The following CACNB1 variants were observed in gnomAD, a reference collection of about 807,000 sequenced individuals.
The protein encoded by CACNB1 is calcium voltage-gated channel auxiliary subunit beta 1.
A neutral mutation model predicts 71.6 loss-of-function variants in CACNB1; 29 were observed. The observed-to-expected ratio is 0.40, with a 90% CI of 0.30 to 0.55. The LOEUF (loss-of-function observed/expected upper bound fraction) is 0.55. Among genes scored for constraint, CACNB1 ranks in the 20% least tolerant of loss-of-function variants. The pLI is 0.38. For synonymous variants in CACNB1, 300 were observed against 319.6 expected (o/e 0.94, Z 0.65); for missense variants, 623 against 801.8 (o/e 0.78, Z 2.69).
chr17:39,184,310 C>G lies in CACNB1; in HGVS notation c.788+15G>C, dbSNP rs1234964054. The stretch of plus-strand genomic sequence containing the variant: ...GAGCAACGGCAGGTGCGAGGAGCAG[C>G]TCCCAGGATCTTACCTGCCATCAAA... On this transcript the variant is annotated intron_variant, in intron 9 of 13. Transcript: ENST00000394303. The G allele has an allele frequency of 1.3e-6, 2 of 1,528,320 alleles. No homozygotes were observed. Among genetic ancestry groups the G allele is most frequent in the Non-Finnish European group, 1.8e-6 (2 of 1,125,714 alleles). 94.7% of individuals were successfully genotyped at this position (1,528,320 alleles called of 1,614,324 possible). A position where few individuals can be genotyped will look rare whatever the true frequency, so the allele number is the denominator to read the frequency against.
Position 39,175,498 on chromosome 17 carries a change from C to G in CACNB1, c.1492G>C (p.Asp498His). The change falls in exon 14 of 14, where the codon GAC becomes CAC. Residue 498 changes from aspartate to histidine, a missense_variant. Asp to His is a moderately conservative substitution (Grantham distance 81). Transcript: ENST00000394303. The surrounding 1 kb of genome is among the most constrained non-coding windows in gnomAD (Gnocchi z 4.7). The stretch of plus-strand genomic sequence containing the variant: ...CCGGGGGTGTCGGCATCAAAAGTGT[C>G]TTGGCGGGACAGTGCCCGTAGCGTG... ...AGTLRALSRQ[D>H]TFDADTPGSR... 6.2e-7 allele frequency: 1 copy of G among 1,614,036 alleles called. No individual in the cohort carries two copies.
At chr17:39,178,105 G>C in intron 11 of CACNB1, 26 bp from the exon 12 acceptor site, 1 of 1,553,632 alleles carries the variant, frequency 6.4e-7, no homozygotes, top group Non-Finnish European at 8.9e-7. Context: ...AGAAAAGGAA[G>C]AGGAGCTAGA....
chr17:39,181,349 C>T (rs2045756175), intron 11 of CACNB1, among the ~76,000 whole-genome samples: 2 of 152,178 alleles, frequency 1.3e-5, no homozygotes, highest in Non-Finnish European at 2.9e-5. Context: ...CGGCCTCGGG[C>T]TCCCAAGGTG....
At position 39,186,965 on chromosome 17, in the gene CACNB1, G is replaced by C; in HGVS notation, c.415-36C>G. ...TATGGCAGGTGGGTGGAAAGAGCAAGAGGGAAACTGCAGGGGCAAGCTAGC... is the reference window on the plus strand; with the variant it reads ...TATGGCAGGTGGGTGGAAAGAGCAACAGGGAAACTGCAGGGGCAAGCTAGC... On this transcript the variant is annotated intron_variant, in intron 4 of 13. Coordinates refer to ENST00000394303, the MANE Select transcript of CACNB1 (RefSeq NM_000723.5). This position sits in a 1 kb window ranked among gnomAD's most constrained non-coding sequence, Gnocchi z 4.1. 5.6e-6 allele frequency: 9 copies of C among 1,608,694 alleles called. No individual in the cohort carries two copies. The highest frequency in any genetic ancestry group is 6.8e-6 in the Non-Finnish European group (8 of 1,175,628).
chr17:39,187,913 T>C (rs2045979918), intron 3 of CACNB1, among the ~76,000 whole-genome samples: 1 of 152,048 alleles, frequency 6.6e-6, no homozygotes, highest in Non-Finnish European at 1.5e-5. Context: ...CTCAGGAGGC[T>C]GAGGCAGGAG....
chr17:39,177,434 GC>G lies in CACNB1; in HGVS notation c.1247del (p.Ser416ThrfsTer9). On this transcript the variant is annotated frameshift_variant, in exon 13 of 14. Transcript: ENST00000394303. LOFTEE classifies it high-confidence loss of function. ...TCAGCAGCGGATTGGGTGGCGTGCTGCTGGGCGGGTGTGTGGCCTTCCAATA... is the reference window on the plus strand; with the variant it reads ...TCAGCAGCGGATTGGGTGGCGTGCTGTGGGCGGGTGTGTGGCCTTCCAATA... Reference protein sequence around the residue: ...EAYWKATHPPSSTPPNPLLNR... With the variant: ...EAYWKATHPPXSTPPNPLLNR... The G allele has an allele frequency of 6.2e-7, 1 of 1,613,874 alleles. No homozygotes were observed. The highest frequency in any genetic ancestry group is 8.5e-7 in the Non-Finnish European group (1 of 1,179,884).
chr17:39,177,616 G>T, intron 12 of CACNB1, 81 bp from the exon 13 acceptor site: 3 of 1,139,558 alleles, frequency 2.6e-6, no homozygotes, highest in South Asian at 1.5e-5. Flanking sequence ...TGGGTGCAGT[G>T]GGTAGAGTCA....
chr17:39,175,385 A>C lies in CACNB1; in HGVS notation c.1605T>G (p.Pro535=). 6.2e-7 allele frequency: 1 copy of C among 1,614,120 alleles called. No individual in the cohort carries two copies. The highest frequency in any genetic ancestry group is 8.5e-7 in the Non-Finnish European group (1 of 1,180,014). ...GGGCTGGGGGCGTGCCGCCCCCTGCAGGGTCTCCAAGCCCTGGCCCCTCTG... is the reference window on the plus strand; with the variant it reads ...GGGCTGGGGGCGTGCCGCCCCCTGCCGGGTCTCCAAGCCCTGGCCCCTCTG... ...DPSEGPGLGD[P]AGGGTPPARQ... The change falls in exon 14 of 14, where the codon CCT becomes CCG. Residue 535 remains proline, a synonymous_variant. Transcript: ENST00000394303. The surrounding 1 kb of genome is among the most constrained non-coding windows in gnomAD (Gnocchi z 4.7).
chr17:39,191,873 C>A (rs938510073), intron 2 of CACNB1: 1 of 445,418 alleles, frequency 2.2e-6, no homozygotes, highest in African/African-American at 2.1e-5. Flanking sequence ...GGGGTGGGAA[C>A]CTGATAGGGG....
chr17:39,177,320 G>A (rs1295279104), intron 13 of CACNB1, 30 bp downstream of exon 13: 2 of 1,612,376 alleles, frequency 1.2e-6, no homozygotes, highest in Non-Finnish European at 1.7e-6. Flanking sequence ...AGAAGCCGAG[G>A]TTTCTCCTGA....
chr17:39,177,316 CGA>C (rs769821649), intron 13 of CACNB1, 32 bp downstream of exon 13: 2 of 1,611,974 alleles, frequency 1.2e-6, no homozygotes, highest in South Asian at 2.2e-5. Flanking sequence ...CCCCAGAAGC[CGA>C]GGTTTCTCCT....
intron 3 of CACNB1, among the ~76,000 whole-genome samples, chr17:39,189,623 C>T (rs1336363112): frequency 2.0e-5 from 3 of 150,960 alleles, no homozygotes; most frequent in African/African-American, 7.3e-5. Context: ...CTCAGCCTCC[C>T]AAGTAGCTGG....
chr17:39,186,586 G>A lies in CACNB1; in HGVS notation c.552-14C>T, dbSNP rs1287675599. 2.5e-6 allele frequency: 4 copies of A among 1,611,440 alleles called. No homozygotes were observed. Among genetic ancestry groups the A allele is most frequent in the Non-Finnish European group, 3.4e-6 (4 of 1,178,112 alleles). On this transcript the variant is annotated splice_polypyrimidine_tract_variant and intron_variant, in intron 5 of 13. Coordinates refer to ENST00000394303, the MANE Select transcript of CACNB1 (RefSeq NM_000723.5). The surrounding 1 kb of genome is among the most constrained non-coding windows in gnomAD (Gnocchi z 4.1). The stretch of plus-strand genomic sequence containing the variant: ...TCGCCTGATTTGCTGTGTGGGCAGA[G>A]GCAAACCGAGCTTGTGAGCAAAGAG...
chr17:39,180,291 T>C (rs2045719570), intron 11 of CACNB1, among the ~76,000 whole-genome samples: 2 of 150,772 alleles, frequency 1.3e-5, no homozygotes, highest in Admixed American at 1.3e-4. Flanking sequence ...ATATGGACTA[T>C]ATTTTAGAAA....
intron 1 of CACNB1, 174 bp from the exon 2 acceptor site, chr17:39,195,144 T>C (rs958566765): frequency 5.3e-6 from 3 of 569,666 alleles, no homozygotes; most frequent in Non-Finnish European, 9.3e-6. Context: ...GGGTCTCCCA[T>C]CCTCACGGAG....
chr17:39,196,411 C>T (rs958902404), intron 1 of CACNB1, among the ~76,000 whole-genome samples: 5 of 152,176 alleles, frequency 3.3e-5, no homozygotes, highest in Non-Finnish European at 7.3e-5. Context: ...AGGCCCCAGT[C>T]AGCTGCCTCC....
At chr17:39,181,494 C>A (rs1597691889) in intron 11 of CACNB1, among the ~76,000 whole-genome samples, 1 of 152,256 alleles carries the variant, frequency 6.6e-6, no homozygotes, top group Middle Eastern at 3.4e-3. Flanking sequence ...AGATGTTTGG[C>A]CGCTTGCCAA....
chr17:39,175,474 C>A lies in CACNB1; in HGVS notation c.1516G>T (p.Gly506Cys). The A allele has an allele frequency of 6.2e-7, 1 of 1,614,076 alleles. No homozygotes were observed. Among genetic ancestry groups the A allele is most frequent in the Non-Finnish European group, 8.5e-7 (1 of 1,180,022 alleles). The part of the protein sequence containing the change: ...RQDTFDADTP[G>C]SRNSAYTELG... Reference sequence around the variant, plus strand: ...TCCGTGTAGGCAGAGTTTCGGCTGCCGGGGGTGTCGGCATCAAAAGTGTCT... The same window carrying A: ...TCCGTGTAGGCAGAGTTTCGGCTGCAGGGGGTGTCGGCATCAAAAGTGTCT... Residue 506 changes from glycine to cysteine, a missense_variant, in exon 14 of 14, where the codon GGC (glycine) becomes TGC (cysteine). Coordinates refer to ENST00000394303, the MANE Select transcript of CACNB1 (RefSeq NM_000723.5). This position sits in a 1 kb window ranked among gnomAD's most constrained non-coding sequence, Gnocchi z 4.7.
Position 39,177,970 on chromosome 17 carries a change from A to G in CACNB1, c.1146+14T>C. The G allele has an allele frequency of 6.3e-7, 1 of 1,597,178 alleles. No individual in the cohort carries two copies. Among genetic ancestry groups the G allele is most frequent in the African/African-American group, 1.3e-5 (1 of 74,644 alleles). Reference sequence around the variant, plus strand: ...TTCTCCCTCCATTCCCTTCCCTGGGATCTAGGCACTCACAGGGGGGCACTG... The same window carrying G: ...TTCTCCCTCCATTCCCTTCCCTGGGGTCTAGGCACTCACAGGGGGGCACTG... On this transcript the variant is annotated intron_variant, in intron 12 of 13. Transcript: ENST00000394303.
Sources: allele counts gnomAD v4.1 joint callset (sites outside exome capture counted in the v4.1 genomes callset), GRCh38; gene constraint gnomAD v4.1.1; non-coding constraint Gnocchi (gnomAD v3.1); transcripts MANE v1.5; gene names NCBI Gene and HGNC (gene_info 2026-07-23, HGNC 2026-07-21).